The following HDX variants were observed in gnomAD, a reference collection of about 807,000 sequenced individuals.
HDX encodes chromosome X open reading frame 43.
A neutral mutation model predicts 45.2 loss-of-function variants in HDX; 19 were observed. That is an observed-to-expected ratio of 0.42 (90% CI 0.29 to 0.62). HDX has a LOEUF of 0.62. Ranked by LOEUF, HDX falls within the 20% of genes least tolerant of loss-of-function variation. HDX has a pLI of 0.20. For missense variants in HDX, 532 were observed against 493.9 expected (o/e 1.08, Z -0.73); for synonymous variants, 188 against 172.8 (o/e 1.09, Z -0.69).
At chrX:84,381,874 A>C (rs2038197346) in intron 5 of HDX, among the ~76,000 whole-genome samples, 1 of 111,062 alleles carries the variant, frequency 9.0e-6, no homozygotes, top group Non-Finnish European at 1.9e-5. Context: ...CAAGCTAAAA[A>C]TCTTCTGCAC....
At chrX:84,431,356 G>A (rs2039500929) in intron 5 of HDX, among the ~76,000 whole-genome samples, 1 of 110,317 alleles carries the variant, frequency 9.1e-6, no homozygotes, top group Non-Finnish European at 1.9e-5. Flanking sequence ...CATTCCTTTG[G>A]GTATATACTA....
chrX:84,331,524 A>T (rs1002875281), intron 9 of HDX, among the ~76,000 whole-genome samples: 2 of 111,856 alleles, frequency 1.8e-5, no homozygotes, highest in African/African-American at 6.5e-5. Flanking sequence ...ATTATATGAC[A>T]GGCTCTCAAC....
chrX:84,422,420 T>C (rs1051779181), intron 5 of HDX, among the ~76,000 whole-genome samples: 2 of 109,890 alleles, frequency 1.8e-5, no homozygotes, highest in African/African-American at 6.6e-5. Flanking sequence ...AGAAAAAAAA[T>C]CTTCAAACAA....
chrX:84,463,367 T>C (rs1464514332), intron 4 of HDX, among the ~76,000 whole-genome samples: 3 of 111,452 alleles, frequency 2.7e-5, no homozygotes, highest in Non-Finnish European at 5.7e-5. Flanking sequence ...ATTTAAAGTT[T>C]CTATTGTTAT....
At chrX:84,381,043 A>G (rs1025496904) in intron 5 of HDX, among the ~76,000 whole-genome samples, 8 of 111,571 alleles carry the variant, frequency 7.2e-5, no homozygotes, top group African/African-American at 2.6e-4. Context: ...ACATACAAAA[A>G]TCAGTGGCAT....
rs914980125 is a variant in HDX at position 84,469,095 on chromosome X, G to A, written c.628C>T (p.Pro210Ser). Residue 210 changes from proline (P) to serine (S), a missense_variant, in exon 4 of 11, where the codon CCT becomes TCT. By Grantham distance (74) the Pro-to-Ser change is moderately conservative. This residue lies in a region of HDX where 376 missense variants were observed against 343.7 expected (regional missense o/e 1.09). Transcript: ENST00000373177. The part of the protein sequence containing the change: ...SSVQASEMTV[P>S]QKPSVCHRPC... The stretch of plus-strand genomic sequence containing the variant: ...CGGTGGCACACAGAAGGCTTTTGAG[G>A]TACTGTCATTTCAGAAGCTTGTACT... The A allele has an allele frequency of 8.3e-7, 1 of 1,211,441 alleles. No individual in the cohort carries two copies. The highest frequency in any genetic ancestry group is 1.1e-6 in the Non-Finnish European group (1 of 895,321).
chrX:84,489,527 T>C (rs927920066), intron 1 of HDX, among the ~76,000 whole-genome samples: 4 of 111,792 alleles, frequency 3.6e-5, no homozygotes, highest in Non-Finnish European at 7.5e-5. Context: ...GGTCAGTCTG[T>C]CAATTTTTGT....
chrX:84,502,335 T>C lies in HDX; in HGVS notation c.-110+7A>G, dbSNP rs1031151830. 9.1e-6 allele frequency: 1 copy of C among 110,297 alleles called. No homozygotes were observed. Among genetic ancestry groups the C allele is most frequent in the African/African-American group, 3.3e-5 (1 of 30,165 alleles). 9.1% of individuals were successfully genotyped at this position (110,297 alleles called of 1,213,427 possible). ...CCCTTCTCACCCACTTAGTGTTGAG[T>C]GCTTACCTCGGGTGTGGTGCGGTTA... On this transcript the variant is annotated splice_region_variant and intron_variant, in intron 1 of 10. Transcript: ENST00000373177.
Position 84,373,015 on chromosome X carries a change from A to C in HDX, c.1306-11403T>G, listed in dbSNP as rs745638611. Among the ~76,000 whole-genome samples the C allele has an allele frequency of 3.6e-5, 4 of 111,925 alleles. No individual in the cohort carries two copies. The South Asian group carries it at 1.5e-3, about 41-fold the overall frequency. On this transcript the variant is annotated intron_variant, in intron 5 of 10. Transcript: ENST00000373177. ...GTGATTAAATTGTCTAAATATAGAAATATTTTATTTGCATTAAAATATGTC... is the reference window on the plus strand; with the variant it reads ...GTGATTAAATTGTCTAAATATAGAACTATTTTATTTGCATTAAAATATGTC...
At chrX:84,334,896 CTGTATGTG>C (rs1408683401) in intron 8 of HDX, among the ~76,000 whole-genome samples, 2 of 110,278 alleles carry the variant, frequency 1.8e-5, no homozygotes, top group East Asian at 5.7e-4. Context: ...GCTTCCTACT[CTGTATGTG>C]TGTGTGTGTG....
At chrX:84,486,531 A>G (rs2040794574) in intron 2 of HDX, among the ~76,000 whole-genome samples, 1 of 111,850 alleles carries the variant, frequency 8.9e-6, no homozygotes, top group African/African-American at 3.2e-5. Flanking sequence ...CATTTTTAAG[A>G]ATAGATCTGT....
intron 5 of HDX, among the ~76,000 whole-genome samples, chrX:84,398,160 T>C (rs961331256): frequency 8.1e-5 from 9 of 110,521 alleles, no homozygotes; most frequent in African/African-American, 3.0e-4. Context: ...ATGAAGAAAC[T>C]GCATCAACTA....
At chrX:84,422,663 G>GTTTTTTTT (rs779557860) in intron 5 of HDX, among the ~76,000 whole-genome samples, 1 of 64,936 alleles carries the variant, frequency 1.5e-5, no homozygotes, top group African/African-American at 5.6e-5. Flanking sequence ...GAAATAAAAG[G>GTTTTTTTT]TTTTTTTTTT....
intron 5 of HDX, among the ~76,000 whole-genome samples, chrX:84,417,218 G>GAGAAAGAAAGAAAGA (rs2039130749): frequency 1.0e-5 from 1 of 100,251 alleles, no homozygotes; most frequent in African/African-American, 3.7e-5. Context: ...AAAAAAAAGA[G>GAGAAAGAAAGAAAGA]AGAAAGAAAG....
At chrX:84,405,192 AG>A (rs1466491372) in intron 5 of HDX, among the ~76,000 whole-genome samples, 1 of 110,729 alleles carries the variant, frequency 9.0e-6, no homozygotes, top group African/African-American at 3.3e-5. Flanking sequence ...TTCATAGAGA[AG>A]TTCCAGTCTC....
chrX:84,386,890 G>A (rs1171588812), intron 5 of HDX, among the ~76,000 whole-genome samples: 4 of 110,645 alleles, frequency 3.6e-5, no homozygotes, highest in Admixed American at 9.6e-5. Flanking sequence ...TAGCTTTGGG[G>A]TTGATTTGTT....
intron 8 of HDX, among the ~76,000 whole-genome samples, chrX:84,334,455 A>G (rs1315960642): frequency 1.8e-5 from 2 of 110,150 alleles, no homozygotes; most frequent in African/African-American, 6.6e-5. Context: ...AAAGGGAGAA[A>G]GAGAAAGGAG....
intron 4 of HDX, among the ~76,000 whole-genome samples, chrX:84,442,265 C>T (rs2039776748): frequency 9.0e-6 from 1 of 110,772 alleles, no homozygotes; most frequent in Admixed American, 9.7e-5. Flanking sequence ...GCAGTAATGA[C>T]CTAAATAGTA....
chrX:84,411,492 A>G (rs1602405796), intron 5 of HDX, among the ~76,000 whole-genome samples: 2 of 111,690 alleles, frequency 1.8e-5, no homozygotes. Flanking sequence ...CTTTGTATTG[A>G]TTTCTAATTT....
Sources: gnomAD v4.1 joint callset for allele counts (sites outside exome capture counted in the v4.1 genomes callset) on GRCh38, gnomAD v4.1.1 for gene constraint, gnomAD v4.1.1 regional missense constraint, MANE v1.5 for transcripts, NCBI Gene and HGNC (gene_info 2026-07-23, HGNC 2026-07-21) for gene names.